The following HIP1 variants were observed in gnomAD, a reference collection of about 807,000 sequenced individuals.
The protein encoded by HIP1 is huntingtin interacting protein 1.
Under a neutral mutation model 147.6 loss-of-function variants are expected in HIP1, and 65 were observed. The observed-to-expected ratio is 0.44, with a 90% CI of 0.36 to 0.54. The LOEUF (loss-of-function observed/expected upper bound fraction) is 0.54. Among genes scored for constraint, HIP1 ranks in the 20% least tolerant of loss-of-function variants. HIP1 has a pLI of 0.00. For synonymous variants in HIP1, 479 were observed against 504.0 expected (o/e 0.95, Z 0.67); for missense variants, 1,061 against 1,299.6 (o/e 0.82, Z 2.82).
intron 1 of HIP1, among the ~76,000 whole-genome samples, chr7:75,604,821 A>G (rs2117031491): frequency 6.6e-6 from 1 of 152,292 alleles, no homozygotes; most frequent in Admixed American, 6.5e-5. Context: ...CAATTGCTCA[A>G]ACTTGTGGTC....
chr7:75,728,634 G>T (rs1378267035), intron 1 of HIP1, among the ~76,000 whole-genome samples: 1 of 151,740 alleles, frequency 6.6e-6, no homozygotes, highest in Non-Finnish European at 1.5e-5. Context: ...CAGTGCCCAA[G>T]TGGGGCAGGG....
At chr7:75,706,342 G>A (rs1309097330) in intron 1 of HIP1, among the ~76,000 whole-genome samples, 1 of 151,868 alleles carries the variant, frequency 6.6e-6, no homozygotes, top group Non-Finnish European at 1.5e-5. Context: ...TTGTTTGTTT[G>A]TTTGTTTTTG....
chr7:75,610,133 C>T (rs2117051965), intron 1 of HIP1, among the ~76,000 whole-genome samples: 1 of 151,364 alleles, frequency 6.6e-6, no homozygotes, highest in East Asian at 1.9e-4. Context: ...GAACTCCTGA[C>T]CTCAGGTAAT....
intron 1 of HIP1, among the ~76,000 whole-genome samples, chr7:75,656,046 G>A (rs1554512582): frequency 6.6e-6 from 1 of 152,004 alleles, no homozygotes; most frequent in African/African-American, 2.4e-5. Context: ...TTGAGCCTGG[G>A]AAGTCAAGGC....
At chr7:75,639,025 G>C (rs1798545628) in intron 1 of HIP1, 1 of 967,142 alleles carries the variant, frequency 1.0e-6, no homozygotes, top group African/African-American at 1.8e-5. Flanking sequence ...GAGGGGGCTC[G>C]GGGCAAAGCC....
chr7:75,674,499 G>GC (rs782570269), intron 1 of HIP1, among the ~76,000 whole-genome samples: 6 of 79,132 alleles, frequency 7.6e-5, no homozygotes, highest in African/African-American at 3.3e-4. Context: ...GCGGCTTTTT[G>GC]TTTTTTTTTT....
intron 4 of HIP1, among the ~76,000 whole-genome samples, chr7:75,590,613 T>TA (rs1484664795): frequency 6.6e-6 from 1 of 152,090 alleles, no homozygotes; most frequent in Non-Finnish European, 1.5e-5. Context: ...CCATCCTGGA[T>TA]AAAAAAACAA....
chr7:75,668,257 G>A (rs546413674), intron 1 of HIP1, among the ~76,000 whole-genome samples: 1 of 152,310 alleles, frequency 6.6e-6, no homozygotes, highest in East Asian at 1.9e-4. Flanking sequence ...GTCGGGGAGT[G>A]TCCCTCCTCC....
chr7:75,691,085 C>G (rs186258975), intron 1 of HIP1, among the ~76,000 whole-genome samples: 1 of 152,206 alleles, frequency 6.6e-6, no homozygotes, highest in African/African-American at 2.4e-5. Flanking sequence ...GCAGCCATTA[C>G]GGGAATGGAG....
chr7:75,729,792 A>AAAAC (rs141957530), intron 1 of HIP1, among the ~76,000 whole-genome samples: 1 of 151,548 alleles, frequency 6.6e-6, no homozygotes, highest in Non-Finnish European at 1.5e-5. Flanking sequence ...GTCTCAAAAC[A>AAAAC]AAACAAACAA....
In HIP1 at chr7:75,582,151, T is replaced by A; in HGVS notation, c.466A>T (p.Asn156Tyr). The A allele has an allele frequency of 6.2e-7, 1 of 1,613,608 alleles. No homozygotes were observed. The highest frequency in any genetic ancestry group is 8.5e-7 in the Non-Finnish European group (1 of 1,179,658). Reference sequence around the variant, plus strand: ...TGCAGGTTGCCTGGGAACCTGGGATTCTGGAAGGGAGGCAGAGGAAGGGAG... The same window carrying A: ...TGCAGGTTGCCTGGGAACCTGGGATACTGGAAGGGAGGCAGAGGAAGGGAG... ...LRTKMEYHTK[N>Y]PRFPGNLQMS... The change falls in exon 6 of 31, where the codon AAT becomes TAT. Residue 156 changes from asparagine (N) to tyrosine (Y), a missense_variant and splice_region_variant. Asn to Tyr is a moderately radical substitution (Grantham distance 143). Coordinates refer to ENST00000336926, the MANE Select transcript of HIP1 (RefSeq NM_005338.7).
intron 8 of HIP1, among the ~76,000 whole-genome samples, chr7:75,572,326 G>C (rs1314449122): frequency 6.6e-6 from 1 of 152,064 alleles, no homozygotes; most frequent in Admixed American, 6.6e-5. Flanking sequence ...GCTAGGTAAG[G>C]GATAGGTCTC....
chr7:75,608,432 A>G (rs1554504252), intron 1 of HIP1, among the ~76,000 whole-genome samples: 2 of 152,220 alleles, frequency 1.3e-5, no homozygotes, highest in African/African-American at 4.8e-5. Context: ...GAGGGAACGT[A>G]TGGTTCCAGT....
intron 1 of HIP1, among the ~76,000 whole-genome samples, chr7:75,724,421 T>G (rs1801593208): frequency 1.3e-5 from 2 of 151,842 alleles, no homozygotes; most frequent in African/African-American, 4.8e-5. Flanking sequence ...CTAATTTTTG[T>G]ATTTTTAGTA....
At chr7:75,581,437 G>A (rs1455577313) in intron 6 of HIP1, 139 bp from the exon 7 acceptor site, 8 of 660,670 alleles carry the variant, frequency 1.2e-5, no homozygotes, top group Non-Finnish European at 2.7e-6. Context: ...CCAGCTCCAA[G>A]TCTTAGCCTT....
intron 1 of HIP1, among the ~76,000 whole-genome samples, chr7:75,638,005 TACAC>T (rs372119007): frequency 1.7e-3 from 73 of 43,992 alleles, no homozygotes; most frequent in Non-Finnish European, 2.5e-3. Context: ...CACACACACA[TACAC>T]ACACACACAC....
chr7:75,677,603 T>TAA (rs60860713), intron 1 of HIP1, among the ~76,000 whole-genome samples: 2 of 94,500 alleles, frequency 2.1e-5, no homozygotes, highest in Admixed American at 1.2e-4. Flanking sequence ...AGACTCCATC[T>TAA]AAAAAAAAAA....
In HIP1 at chr7:75,547,030, A is replaced by G; in HGVS notation, c.2468T>C (p.Ile823Thr). The G allele has an allele frequency of 6.3e-7, 1 of 1,579,282 alleles. No individual in the cohort carries two copies. Among genetic ancestry groups the G allele is most frequent in the Non-Finnish European group, 8.6e-7 (1 of 1,161,258 alleles). The change falls in exon 25 of 31, where the codon ATC becomes ACC. Residue 823 changes from isoleucine (I) to threonine (T), a missense_variant and splice_region_variant. By Grantham distance (89) the Ile-to-Thr change is moderately conservative. Around this residue, in one of 3 missense-constraint regions of HIP1, gnomAD observed 810 missense variants for 946.8 expected, o/e 0.86. Transcript: ENST00000336926. ...TGVKLEVNER[I>T]LGCCTSLMQA... ...CATGAGGCTGGTACAGCAACCAAGG[A>G]TCCTGCCAAACAAACAAGTCGAGGA...
intron 1 of HIP1, among the ~76,000 whole-genome samples, chr7:75,692,000 T>G (rs1411045573): frequency 1.3e-5 from 2 of 152,082 alleles, no homozygotes; most frequent in Non-Finnish European, 2.9e-5. Flanking sequence ...GTGGAAGTCC[T>G]GAATGGTGAA....
Sources: allele counts gnomAD v4.1 joint callset (sites outside exome capture counted in the v4.1 genomes callset), GRCh38; gene constraint gnomAD v4.1.1; regional missense constraint gnomAD v4.1.1; transcripts MANE v1.5; gene names NCBI Gene and HGNC (gene_info 2026-07-23, HGNC 2026-07-21).